The following SUCLG2 variants were observed in gnomAD, a reference collection of about 807,000 sequenced individuals.
SUCLG2 encodes the protein succinate-CoA ligase GDP-forming subunit beta.
Under a neutral mutation model 47.9 loss-of-function variants are expected in SUCLG2, and 42 were observed. That is an observed-to-expected ratio of 0.88 (90% CI 0.69 to 1.14). The LOEUF is 1.14. Among genes scored for constraint, SUCLG2 ranks in the 50% most tolerant of loss-of-function variants. SUCLG2 has a pLI of 0.00. For synonymous variants in SUCLG2, 195 were observed against 197.3 expected (o/e 0.99, Z 0.10); for missense variants, 571 against 525.9 (o/e 1.09, Z -0.84).
At chr3:67,602,616 A>G (rs1708444217) in intron 2 of SUCLG2, among the ~76,000 whole-genome samples, 1 of 152,232 alleles carries the variant, frequency 6.6e-6, no homozygotes, top group African/African-American at 2.4e-5. Flanking sequence ...TACATACAAT[A>G]GAAAATGTCA....
chr3:67,623,069 A>G (rs1442000794), intron 1 of SUCLG2, among the ~76,000 whole-genome samples: 1 of 150,800 alleles, frequency 6.6e-6, no homozygotes, highest in Non-Finnish European at 1.5e-5. Context: ...GCTCCATCTC[A>G]TTTAAATATA....
intron 9 of SUCLG2, among the ~76,000 whole-genome samples, chr3:67,467,718 C>T (rs373065318): frequency 1.3e-5 from 2 of 151,810 alleles, no homozygotes; most frequent in African/African-American, 4.8e-5. Context: ...TGGTAGGAGA[C>T]GTATATGTTT....
chr3:67,365,215 A>G (rs897635403), intron 10 of SUCLG2, among the ~76,000 whole-genome samples: 1 of 152,232 alleles, frequency 6.6e-6, no homozygotes, highest in Non-Finnish European at 1.5e-5. Flanking sequence ...TATTGAAAGG[A>G]GAAAGTGGGG....
At chr3:67,391,267 T>C (rs1011104330) in intron 10 of SUCLG2, among the ~76,000 whole-genome samples, 2 of 152,214 alleles carry the variant, frequency 1.3e-5, no homozygotes, top group African/African-American at 4.8e-5. Context: ...GTACCTCCTC[T>C]GGGTGGACAC....
intron 1 of SUCLG2, among the ~76,000 whole-genome samples, chr3:67,642,054 C>T (rs543863799): frequency 1.3e-5 from 2 of 152,296 alleles, no homozygotes; most frequent in East Asian, 3.9e-4. Context: ...ACTTGATTTC[C>T]TCTATCTATC....
chr3:67,594,746 G>A (rs1372593812), intron 2 of SUCLG2, among the ~76,000 whole-genome samples: 2 of 152,178 alleles, frequency 1.3e-5, no homozygotes, highest in African/African-American at 4.8e-5. Context: ...CTGGTGTGAT[G>A]GGTAAAAGAT....
intron 9 of SUCLG2, among the ~76,000 whole-genome samples, chr3:67,461,291 C>G (rs1219866863): frequency 2.6e-5 from 4 of 152,136 alleles, no homozygotes; most frequent in African/African-American, 9.7e-5. Flanking sequence ...TTGAAGCCAA[C>G]TCATTTCTCA....
chr3:67,431,672 G>A (rs969707709), intron 9 of SUCLG2, among the ~76,000 whole-genome samples: 2 of 151,594 alleles, frequency 1.3e-5, no homozygotes, highest in African/African-American at 4.9e-5. Context: ...CTCACTCATA[G>A]GTGGGAACTG....
chr3:67,366,985 C>T (rs1029167557), intron 10 of SUCLG2, among the ~76,000 whole-genome samples: 3 of 152,200 alleles, frequency 2.0e-5, no homozygotes, highest in South Asian at 4.2e-4. Context: ...TTAGACACTG[C>T]ACTTCAAAGT....
In SUCLG2 at chr3:67,400,934, TTAAAA is replaced by T. The variant is rs1356873078; in HGVS notation, c.1063-88_1063-84del. 3.9e-5 allele frequency: 61 copies of T among 1,577,026 alleles called. No individual in the cohort carries two copies. In the African/African-American group the frequency reaches 6.7e-4, roughly 17 times the overall value. On this transcript the variant is annotated intron_variant, in intron 9 of 10. Transcript: ENST00000307227. ...ATAACTGGTTAAATAATAGAGACAA[TTAAAA>T]TAAGACTGCTCGTTTTTTTGTTTTT...
chr3:67,621,533 G>A (rs1700737055), intron 1 of SUCLG2, among the ~76,000 whole-genome samples: 1 of 152,216 alleles, frequency 6.6e-6, no homozygotes, highest in Non-Finnish European at 1.5e-5. Context: ...CAATGTGGCA[G>A]TATTGAGAGG....
chr3:67,640,213 G>A (rs180961506), intron 1 of SUCLG2, among the ~76,000 whole-genome samples: 32 of 152,256 alleles, frequency 2.1e-4, no homozygotes, highest in East Asian at 1.7e-3. Context: ...GCATCCCTGC[G>A]TTACCTAAAC....
At chr3:67,463,664 TG>T (rs1235335336) in intron 9 of SUCLG2, among the ~76,000 whole-genome samples, 3 of 152,250 alleles carry the variant, frequency 2.0e-5, no homozygotes, top group Non-Finnish European at 2.9e-5. Context: ...CAAGAGTTCC[TG>T]TTGGTACCCC....
chr3:67,546,313 A>G (rs1706861573), intron 2 of SUCLG2, among the ~76,000 whole-genome samples: 1 of 152,248 alleles, frequency 6.6e-6, no homozygotes, highest in Non-Finnish European at 1.5e-5. Context: ...AAAATTTGGC[A>G]GCTTTTAAGT....
chr3:67,514,144 A>C, intron 6 of SUCLG2: 1 of 293,688 alleles, frequency 3.4e-6, no homozygotes, highest in South Asian at 3.4e-5. Flanking sequence ...GATTTGTTGG[A>C]CCTATGCAAG....
At chr3:67,579,115 A>G (rs1166097746) in intron 2 of SUCLG2, among the ~76,000 whole-genome samples, 4 of 152,234 alleles carry the variant, frequency 2.6e-5, no homozygotes, top group Non-Finnish European at 5.9e-5. Context: ...GCAATATCAG[A>G]ATTTATAATT....
chr3:67,587,878 TAAA>T (rs1419902617), intron 2 of SUCLG2, among the ~76,000 whole-genome samples: 8 of 152,072 alleles, frequency 5.3e-5, no homozygotes, highest in African/African-American at 1.9e-4. Flanking sequence ...AAACAGGCCC[TAAA>T]AAAATCCAGA....
At chr3:67,626,383 G>A (rs1300711159) in intron 1 of SUCLG2, among the ~76,000 whole-genome samples, 2 of 151,968 alleles carry the variant, frequency 1.3e-5, no homozygotes, top group African/African-American at 4.8e-5. Context: ...AAGCAGCAAG[G>A]GGTATGCTGG....
chr3:67,446,882 A>T (rs567622983), intron 9 of SUCLG2, among the ~76,000 whole-genome samples: 14 of 152,332 alleles, frequency 9.2e-5, no homozygotes, highest in Admixed American at 3.3e-4. Flanking sequence ...ATATTAAAAA[A>T]AGATTATCTA....
Sources: allele counts gnomAD v4.1 joint callset (sites outside exome capture counted in the v4.1 genomes callset), GRCh38; gene constraint gnomAD v4.1.1; transcripts MANE v1.5; gene names NCBI Gene and HGNC (gene_info 2026-07-23, HGNC 2026-07-21).